The following CHRM4 variants were observed in gnomAD, a reference collection of about 807,000 sequenced individuals.
The protein encoded by CHRM4 is cholinergic receptor muscarinic 4.
CHRM4 carries 5 observed loss-of-function variants against 26.3 expected under a neutral mutation model. That is an observed-to-expected ratio of 0.19 (90% CI 0.10 to 0.40). CHRM4 has a LOEUF of 0.40. Ranked by LOEUF, CHRM4 falls within the 10% of genes least tolerant of loss-of-function variation. The pLI is 1.00. For synonymous variants in CHRM4, 290 were observed against 285.3 expected (o/e 1.02, Z -0.16); for missense variants, 402 against 664.5 (o/e 0.60, Z 4.34).
intron 1 of CHRM4, among the ~76,000 whole-genome samples, chr11:46,390,209 G>A (rs1170700078): frequency 6.6e-6 from 1 of 152,178 alleles, no homozygotes; most frequent in Non-Finnish European, 1.5e-5. Context: ...CTGGCCTGTG[G>A]GTGAAGGGTT....
At position 46,385,655 on chromosome 11, in the gene CHRM4, G is replaced by A. The variant is rs776476929; in HGVS notation, c.903C>T (p.Ala301=). Residue 301 remains alanine (A), a synonymous_variant, in exon 2 of 2, where the codon GCC becomes GCT. Transcript: ENST00000682254. This position sits in a 1 kb window ranked among gnomAD's most constrained non-coding sequence, Gnocchi z 6.3. ...CTGGGCGTTCCTTGGTGTTCTGGGT[G>A]GCACTGCCTGAGCTGGACTCATTGG... is the stretch of plus-strand genomic sequence containing the variant. ...DTSNESSSGS[A]TQNTKERPAT... 3 of 1,534,898 alleles carry A rather than the reference G, an allele frequency of 2.0e-6. No homozygotes were observed. The highest frequency in any genetic ancestry group is 4.5e-5 in the East Asian group (2 of 44,222).
chr11:46,388,593 A>C (rs1271164673), intron 1 of CHRM4, among the ~76,000 whole-genome samples: 1 of 152,218 alleles, frequency 6.6e-6, no homozygotes, highest in Non-Finnish European at 1.5e-5. Context: ...GGCTGAGAGC[A>C]AGTGTTGTCA....
At position 46,391,424 on chromosome 11, in the gene CHRM4, A is replaced by G. The variant is rs925343171; in HGVS notation, c.-30+107T>C. Reference sequence around the variant, plus strand: ...GGGCGCACCTGGAGAAGCCTCCGAGAGCCCCCGGCCTTGCTTCCAGCGGGG... The same window carrying G: ...GGGCGCACCTGGAGAAGCCTCCGAGGGCCCCCGGCCTTGCTTCCAGCGGGG... On this transcript the variant is annotated intron_variant, in intron 1 of 1. Coordinates refer to ENST00000682254, the MANE Select transcript of CHRM4 (RefSeq NM_000741.5). The surrounding 1 kb of genome is among the most constrained non-coding windows in gnomAD (Gnocchi z 6.3). Among the ~76,000 whole-genome samples the G allele has an allele frequency of 4.0e-5, 6 of 151,492 alleles. No homozygotes were observed. Among genetic ancestry groups the G allele is most frequent in the African/African-American group, 1.5e-4 (6 of 41,154 alleles).
At position 46,385,157 on chromosome 11, in the gene CHRM4, C is replaced by T. The variant is rs1241524573; in HGVS notation, c.1401G>A (p.Leu467=). 6.2e-7 allele frequency: 1 copy of T among 1,613,010 alleles called. No individual in the cohort carries two copies. Among genetic ancestry groups the T allele is most frequent in the South Asian group, 1.1e-5 (1 of 91,080 alleles). Residue 467 remains leucine, a synonymous_variant, in exon 2 of 2, where the codon CTG becomes CTA. Coordinates refer to ENST00000682254, the MANE Select transcript of CHRM4 (RefSeq NM_000741.5). The surrounding 1 kb of genome is among the most constrained non-coding windows in gnomAD (Gnocchi z 6.3). ...NATFKKTFRH[L]LLCQYRNIGT... is the part of the protein sequence containing the mutation. ...CGATGTTCCGATACTGGCACAGCAG[C>T]AGGTGCCGGAAGGTCTTTTTAAAGG...
chr11:46,386,281 T>C lies in CHRM4; in HGVS notation c.277A>G (p.Ile93Val), dbSNP rs200620413. The C allele has an allele frequency of 1.2e-6, 2 of 1,613,830 alleles. No individual in the cohort carries two copies. The highest frequency in any genetic ancestry group is 1.7e-6 in the Non-Finnish European group (2 of 1,179,868). ...CCCAGGGGCCAGTAGCCCTTGATGATGTACACGGTGTAGAGGTTCATGGAG... is the reference window on the plus strand; with the variant it reads ...CCCAGGGGCCAGTAGCCCTTGATGACGTACACGGTGTAGAGGTTCATGGAG... ...AFSMNLYTVY[I>V]IKGYWPLGAV... The change falls in exon 2 of 2, where the codon ATC (isoleucine) becomes GTC (valine). Residue 93 changes from isoleucine (I) to valine (V), a missense_variant. This residue lies in a region of CHRM4 where 92 missense variants were observed against 133.1 expected (regional missense o/e 0.69). Coordinates refer to ENST00000682254, the MANE Select transcript of CHRM4 (RefSeq NM_000741.5). This position sits in a 1 kb window ranked among gnomAD's most constrained non-coding sequence, Gnocchi z 5.8.
intron 1 of CHRM4, among the ~76,000 whole-genome samples, chr11:46,390,507 C>G (rs971995267): frequency 6.6e-6 from 1 of 152,258 alleles, no homozygotes. Flanking sequence ...GGCGGAGGCC[C>G]GGACAGAGCT....
Position 46,386,471 on chromosome 11 carries a change from C to G in CHRM4, c.87G>C (p.Thr29=), listed in dbSNP as rs199584086. ...CTGTGGCAATGAAGACCATTTCCAC[C>G]GTCTCATAGCGATTGTGGGATGATG... ...VTSSSHNRYE[T]VEMVFIATVT... Residue 29 remains threonine (T), a synonymous_variant, in exon 2 of 2, where the codon ACG becomes ACC. Transcript: ENST00000682254. The surrounding 1 kb of genome is among the most constrained non-coding windows in gnomAD (Gnocchi z 5.8). The G allele has an allele frequency of 5.8e-5, 93 of 1,613,572 alleles. No homozygotes were observed. The highest frequency in any genetic ancestry group is 7.5e-5 in the Non-Finnish European group (89 of 1,179,876).
intron 1 of CHRM4, among the ~76,000 whole-genome samples, chr11:46,388,705 C>G (rs1945365583): frequency 6.6e-6 from 1 of 152,240 alleles, no homozygotes. Context: ...GAAATAGAAG[C>G]TCAGGTGTCA....
intron 1 of CHRM4, among the ~76,000 whole-genome samples, chr11:46,387,478 G>C (rs1160063050): frequency 6.6e-6 from 1 of 152,176 alleles, no homozygotes; most frequent in African/African-American, 2.4e-5. Context: ...CTATGAGGTA[G>C]ATACCATTTT....
intron 1 of CHRM4, among the ~76,000 whole-genome samples, chr11:46,389,537 A>AGCC (rs1590684531): frequency 6.6e-6 from 1 of 152,192 alleles, no homozygotes; most frequent in Non-Finnish European, 1.5e-5. Flanking sequence ...CTGGGGAGCG[A>AGCC]GCCGCCGCCG....
rs1945338617 is a variant in CHRM4, at chr11:46,386,204, G to A, written c.354C>T (p.Ala118=). 2 of 1,613,858 alleles carry A rather than the reference G, an allele frequency of 1.2e-6. No individual in the cohort carries two copies. Among genetic ancestry groups the A allele is most frequent in the South Asian group, 1.1e-5 (1 of 91,084 alleles). The change falls in exon 2 of 2, where the codon GCC becomes GCT. Residue 118 remains alanine, a synonymous_variant. Transcript: ENST00000682254. The surrounding 1 kb of genome is among the most constrained non-coding windows in gnomAD (Gnocchi z 5.8). ...WLALDYVVSN[A]SVMNLLIISF... is the part of the protein sequence containing the mutation. Reference sequence around the variant, plus strand: ...TGATGATGAGAAGGTTCATGACGGAGGCGTTGCTCACCACGTAGTCCAGGG... The same window carrying A: ...TGATGATGAGAAGGTTCATGACGGAAGCGTTGCTCACCACGTAGTCCAGGG...
In CHRM4 at chr11:46,385,701, G is replaced by A. The variant is rs1250784152; in HGVS notation, c.857C>T (p.Pro286Leu). 4.5e-6 allele frequency: 7 copies of A among 1,557,788 alleles called. No individual in the cohort carries two copies. Among genetic ancestry groups the A allele is most frequent in the Non-Finnish European group, 5.2e-6 (6 of 1,154,010 alleles). ...PPPALPPPPR[P>L]VADKDTSNES... ...ATTGGAAGTGTCCTTATCAGCCACG[G>A]GGCGCGGTGGCGGTGGCAGCGCTGG... is the stretch of plus-strand genomic sequence containing the variant. The change falls in exon 2 of 2, where the codon CCC (proline) becomes CTC (leucine). Residue 286 changes from proline (P) to leucine (L), a missense_variant. Pro to Leu is a moderately conservative substitution (Grantham distance 98). Transcript: ENST00000682254. The surrounding 1 kb of genome is among the most constrained non-coding windows in gnomAD (Gnocchi z 6.3).
chr11:46,389,827 G>T (rs1945375719), intron 1 of CHRM4, among the ~76,000 whole-genome samples: 1 of 152,242 alleles, frequency 6.6e-6, no homozygotes, highest in African/African-American at 2.4e-5. Context: ...CGTGTGGGCG[G>T]GAGCGCGAGT....
rs1945300106 is a variant in CHRM4, at chr11:46,383,912, G to C, written c.*1206C>G. 1 of 323,504 alleles carries C rather than the reference G, an allele frequency of 3.1e-6. No individual in the cohort carries two copies. Among genetic ancestry groups the C allele is most frequent in the Non-Finnish European group, 6.0e-6 (1 of 165,530 alleles). The allele number at this position is 323,504 out of a possible 1,614,324, so 20.0% of individuals were successfully genotyped here. A position where few individuals can be genotyped will look rare whatever the true frequency, so the allele number is the denominator to read the frequency against. On this transcript the variant is annotated 3_prime_UTR_variant, in exon 2 of 2. Transcript: ENST00000682254. ...AAAGACCAGGCTGTAGGGACTGGTG[G>C]GTTTCAGGGGGCTTGGTGGTGGGTG...
chr11:46,386,224 C>T lies in CHRM4; in HGVS notation c.334G>A (p.Asp112Asn). ...AVVCDLWLAL[D>N]YVVSNASVMN... ...ACGGAGGCGTTGCTCACCACGTAGTCCAGGGCCAGCCACAGGTCGCAGACC... is the reference window on the plus strand; with the variant it reads ...ACGGAGGCGTTGCTCACCACGTAGTTCAGGGCCAGCCACAGGTCGCAGACC... The change falls in exon 2 of 2, where the codon GAC (aspartate) becomes AAC (asparagine). Residue 112 changes from aspartate to asparagine, a missense_variant. Transcript: ENST00000682254. This position sits in a 1 kb window ranked among gnomAD's most constrained non-coding sequence, Gnocchi z 5.8. 6.2e-7 allele frequency: 1 copy of T among 1,613,858 alleles called. No individual in the cohort carries two copies. Among genetic ancestry groups the T allele is most frequent in the Non-Finnish European group, 8.5e-7 (1 of 1,179,892 alleles).
In CHRM4 at chr11:46,385,715, T is replaced by TGGCAGC. The variant is rs1368323390; in HGVS notation, c.837_842dup (p.Leu280_Pro281dup). 2 of 1,567,090 alleles carry TGGCAGC rather than the reference T, an allele frequency of 1.3e-6. No homozygotes were observed. The highest frequency in any genetic ancestry group is 2.2e-5 in the East Asian group (1 of 44,502). ...TATCAGCCACGGGGCGCGGTGGCGG[T>TGGCAGC]GGCAGCGCTGGCGGGGGGGCCTCCT... On this transcript the variant is annotated inframe_insertion, in exon 2 of 2. Coordinates refer to ENST00000682254, the MANE Select transcript of CHRM4 (RefSeq NM_000741.5). The surrounding 1 kb of genome is among the most constrained non-coding windows in gnomAD (Gnocchi z 6.3).
At position 46,386,490 on chromosome 11, in the gene CHRM4, G is replaced by T; in HGVS notation, c.68C>A (p.Ser23Tyr). 1 of 1,613,676 alleles carries T rather than the reference G, an allele frequency of 6.2e-7. No homozygotes were observed. The highest frequency in any genetic ancestry group is 2.2e-5 in the East Asian group (1 of 44,884). ...TTCCACCGTCTCATAGCGATTGTGGGATGATGACGTGACCAGGCGCACGGA... is the reference window on the plus strand; with the variant it reads ...TTCCACCGTCTCATAGCGATTGTGGTATGATGACGTGACCAGGCGCACGGA... ...NQSVRLVTSS[S>Y]HNRYETVEMV... Residue 23 changes from serine (S) to tyrosine (Y), a missense_variant, in exon 2 of 2, where the codon TCC (serine) becomes TAC (tyrosine). Around this residue, in one of 5 missense-constraint regions of CHRM4, gnomAD observed 92 missense variants for 133.1 expected, o/e 0.69. Transcript: ENST00000682254. The surrounding 1 kb of genome is among the most constrained non-coding windows in gnomAD (Gnocchi z 5.8).
Position 46,385,459 on chromosome 11 carries a change from T to A in CHRM4, c.1099A>T (p.Met367Leu), listed in dbSNP as rs1945325806. 6.2e-7 allele frequency: 1 copy of A among 1,602,812 alleles called. No homozygotes were observed. The highest frequency in any genetic ancestry group is 1.3e-5 in the African/African-American group (1 of 74,722). ...IEIVPATPAG[M>L]RPAANVARKF... Reference sequence around the variant, plus strand: ...CGGGCCACGTTGGCCGCAGGGCGCATGCCAGCCGGCGTGGCAGGCACAATC... The same window carrying A: ...CGGGCCACGTTGGCCGCAGGGCGCAAGCCAGCCGGCGTGGCAGGCACAATC... Residue 367 changes from methionine (M) to leucine (L), a missense_variant, in exon 2 of 2, where the codon ATG (methionine) becomes TTG (leucine). Coordinates refer to ENST00000682254, the MANE Select transcript of CHRM4 (RefSeq NM_000741.5). This position sits in a 1 kb window ranked among gnomAD's most constrained non-coding sequence, Gnocchi z 6.3.
chr11:46,389,361 T>C (rs1945371618), intron 1 of CHRM4, among the ~76,000 whole-genome samples: 1 of 152,258 alleles, frequency 6.6e-6, no homozygotes, highest in African/African-American at 2.4e-5. Flanking sequence ...GATTAAGTCC[T>C]GCTCTTGGCC....
Sources: gnomAD v4.1 joint callset for allele counts (sites outside exome capture counted in the v4.1 genomes callset) on GRCh38, gnomAD v4.1.1 for gene constraint, gnomAD v4.1.1 regional missense constraint, Gnocchi (gnomAD v3.1) non-coding constraint, MANE v1.5 for transcripts, NCBI Gene and HGNC (gene_info 2026-07-23, HGNC 2026-07-21) for gene names.